Variants in SETBP1 observed in about 807,000 individuals in gnomAD.
The protein encoded by SETBP1 is SET-binding protein.
SETBP1 carries 9 observed loss-of-function variants against 101.0 expected under a neutral mutation model. The observed-to-expected ratio is 0.09, with a 90% CI of 0.05 to 0.16. The LOEUF is 0.16. SETBP1 is among the 10% of genes least tolerant of loss of function. SETBP1 has a pLI of 1.00. For missense variants in SETBP1, 1,858 were observed against 2,033.8 expected, an observed-to-expected ratio of 0.91 and a Z score of 1.66; for synonymous variants, 818 against 788.5, an observed-to-expected ratio of 1.04 and a Z score of -0.63.
At chr18:44,805,898 C>A (rs2071721817) in intron 2 of SETBP1, among the ~76,000 whole-genome samples, 1 of 152,118 alleles carries the variant, frequency 6.6e-6, no homozygotes, top group African/African-American at 2.4e-5. Flanking sequence ...CTAGGGGGAG[C>A]ACTAGTTCAT....
At chr18:44,860,281 C>T (rs766004782) in intron 2 of SETBP1, among the ~76,000 whole-genome samples, 3 of 152,136 alleles carry the variant, frequency 2.0e-5, no homozygotes, top group Admixed American at 6.5e-5. Flanking sequence ...TGGAAACAGC[C>T]CACAGATGCT....
At chr18:44,713,782 G>A (rs990847721) in intron 2 of SETBP1, among the ~76,000 whole-genome samples, 3 of 152,152 alleles carry the variant, frequency 2.0e-5, no homozygotes, top group Non-Finnish European at 2.9e-5. Context: ...ATAGTCAGTC[G>A]ATTCTCTAGG....
intron 5 of SETBP1, among the ~76,000 whole-genome samples, chr18:45,049,961 G>A (rs2073695036): frequency 6.6e-6 from 1 of 152,120 alleles, no homozygotes; most frequent in African/African-American, 2.4e-5. Context: ...AGGAAATATA[G>A]CATGAAATTA....
chr18:44,897,859 G>A (rs1008033588), intron 3 of SETBP1, among the ~76,000 whole-genome samples: 1 of 152,112 alleles, frequency 6.6e-6, no homozygotes, highest in African/African-American at 2.4e-5. Context: ...ACAGACCTGT[G>A]GTGTGATAGA....
intron 2 of SETBP1, among the ~76,000 whole-genome samples, chr18:44,763,026 A>G (rs1419323393): frequency 6.6e-6 from 1 of 152,244 alleles, no homozygotes; most frequent in Non-Finnish European, 1.5e-5. Flanking sequence ...TATGTATATA[A>G]TAAGTGCTAT....
chr18:44,698,934 T>C (rs1047460931), intron 1 of SETBP1, among the ~76,000 whole-genome samples: 1 of 152,216 alleles, frequency 6.6e-6, no homozygotes, highest in Non-Finnish European at 1.5e-5. Flanking sequence ...ATGTAAGAAA[T>C]GATTGTTTCA....
rs555264890 is a variant in SETBP1, at chr18:44,911,382, A to G, written c.541-38499A>G. Among the ~76,000 whole-genome samples, 3 of 152,320 alleles carry G rather than the reference A, an allele frequency of 2.0e-5. No homozygotes were observed. In the East Asian group the frequency reaches 5.8e-4, roughly 29 times the overall value. On this transcript the variant is annotated intron_variant, in intron 3 of 5. Coordinates refer to ENST00000649279, the MANE Select transcript of SETBP1 (RefSeq NM_015559.3). ...GCGATTACTTTTGCACCAACCTATA[A>G]TTGAAAAGGTCCTTAGAAATCCACT...
intron 1 of SETBP1, among the ~76,000 whole-genome samples, chr18:44,696,663 A>G (rs774347362): frequency 7.2e-5 from 11 of 152,204 alleles, no homozygotes; most frequent in Non-Finnish European, 1.5e-4. Context: ...GTGTACCCAT[A>G]GGTCTATGGC....
In SETBP1 at chr18:44,952,625, C is replaced by T; in HGVS notation, c.3285C>T (p.Phe1095=). 1 of 1,613,932 alleles carries T rather than the reference C, an allele frequency of 6.2e-7. No individual in the cohort carries two copies. Among genetic ancestry groups the T allele is most frequent in the East Asian group, 2.2e-5 (1 of 44,856 alleles). Residue 1095 remains phenylalanine, a synonymous_variant, in exon 4 of 6, where the codon TTC becomes TTT. Coordinates refer to ENST00000649279, the MANE Select transcript of SETBP1 (RefSeq NM_015559.3). ...FMRPTVPPPQ[F]HTNSHVKMSG... ...GGCCAACAGTGCCACCACCTCAGTTCCACACAAACTCCCACGTAAAGATGT... is the reference window on the plus strand; with the variant it reads ...GGCCAACAGTGCCACCACCTCAGTTTCACACAAACTCCCACGTAAAGATGT...
chr18:45,019,343 C>A (rs2073011423), intron 4 of SETBP1, among the ~76,000 whole-genome samples: 3 of 151,062 alleles, frequency 2.0e-5, no homozygotes, highest in East Asian at 1.9e-4. Context: ...TTTTACTTGA[C>A]AAATAAAAAT....
rs886053793 is a variant in SETBP1, at chr18:44,951,698, C to T, written c.2358C>T (p.Ser786=). 5 of 1,614,154 alleles carry T rather than the reference C, an allele frequency of 3.1e-6. No homozygotes were observed. The highest frequency in any genetic ancestry group is 1.7e-5 in the Admixed American group (1 of 60,020). ...CACTTTCAACACAGTTAGGTGGGTC[C>T]AATGGCAACCTGAGCCCTGCCAGCA... The part of the protein sequence containing the change: ...MHPLSTQLGG[S]NGNLSPASTE... The change falls in exon 4 of 6, where the codon TCC becomes TCT. Residue 786 remains serine, a synonymous_variant. Coordinates refer to ENST00000649279, the MANE Select transcript of SETBP1 (RefSeq NM_015559.3). The surrounding 1 kb of genome is among the most constrained non-coding windows in gnomAD (Gnocchi z 7.8).
At chr18:44,742,853 T>TC (rs2070129006) in intron 2 of SETBP1, among the ~76,000 whole-genome samples, 1 of 152,082 alleles carries the variant, frequency 6.6e-6, no homozygotes, top group Non-Finnish European at 1.5e-5. Context: ...TCTGTTGCTC[T>TC]CCATTACTGC....
In SETBP1 at chr18:44,953,149, G is replaced by A. The variant is rs1440755696; in HGVS notation, c.3809G>A (p.Gly1270Asp). Residue 1270 changes from glycine to aspartate, a missense_variant, in exon 4 of 6, where the codon GGT becomes GAT. Transcript: ENST00000649279. ...TKRYSGSGGD[G>D]GSTRSENLDV... ...AGATACTCTGGCAGTGGCGGGGATG[G>A]TGGCAGCACGAGATCAGAGAACCTG... 1.2e-6 allele frequency: 2 copies of A among 1,614,068 alleles called. No homozygotes were observed. The highest frequency in any genetic ancestry group is 2.2e-5 in the East Asian group (1 of 44,862).
intron 2 of SETBP1, among the ~76,000 whole-genome samples, chr18:44,768,076 T>C (rs971431965): frequency 8.5e-5 from 13 of 152,216 alleles, no homozygotes; most frequent in African/African-American, 3.1e-4. Flanking sequence ...CGTCTTTCAC[T>C]TTGGTGTCTC....
chr18:44,857,604 A>G (rs958529361), intron 2 of SETBP1, among the ~76,000 whole-genome samples: 8 of 152,174 alleles, frequency 5.3e-5, no homozygotes, highest in Admixed American at 5.2e-4. Flanking sequence ...AAGGGCTTTC[A>G]GACTAACTTC....
At chr18:44,876,780 A>C in intron 3 of SETBP1, 2 of 1,476,584 alleles carry the variant, frequency 1.4e-6, no homozygotes, top group Non-Finnish European at 1.8e-6. Flanking sequence ...CAAAGCCCAC[A>C]CCTGTGGTCA....
At chr18:44,946,328 C>G (rs965406016) in intron 3 of SETBP1, among the ~76,000 whole-genome samples, 2 of 152,196 alleles carry the variant, frequency 1.3e-5, no homozygotes, top group African/African-American at 4.8e-5. Context: ...ACTGGGCATG[C>G]TTAACTGTAT....
At chr18:44,767,932 A>G (rs2070793107) in intron 2 of SETBP1, among the ~76,000 whole-genome samples, 1 of 152,236 alleles carries the variant, frequency 6.6e-6, no homozygotes, top group Non-Finnish European at 1.5e-5. Flanking sequence ...CCTGAGAACT[A>G]TTGGTAGGAT....
chr18:44,833,905 A>G (rs2072432746), intron 2 of SETBP1, among the ~76,000 whole-genome samples: 1 of 152,286 alleles, frequency 6.6e-6, no homozygotes, highest in African/African-American at 2.4e-5. Flanking sequence ...TTTTGGGTAT[A>G]AAAGGTGAGG....
Sources: allele counts gnomAD v4.1 joint callset (sites outside exome capture counted in the v4.1 genomes callset), GRCh38; gene constraint gnomAD v4.1.1; non-coding constraint Gnocchi (gnomAD v3.1); transcripts MANE v1.5; gene names NCBI Gene and HGNC (gene_info 2026-07-23, HGNC 2026-07-21).